ABCC2: variants seen among roughly 807,000 people sequenced by gnomAD.
ABCC2 encodes the protein ATP binding cassette subfamily C member 2.
A neutral mutation model predicts 173.4 loss-of-function variants in ABCC2; 157 were observed. The observed-to-expected ratio is 0.91, with a 90% confidence interval of 0.80 to 1.03. ABCC2 has a LOEUF of 1.03. Among genes scored for constraint, ABCC2 ranks in the 50% least tolerant of loss-of-function variants. The probability of loss-of-function intolerance (pLI) is 0.00; values close to 1 mark genes in which losing one functional copy is unlikely to be tolerated. For missense variants in ABCC2, 1,822 were observed against 1,852.3 expected (o/e 0.98, Z 0.30); for synonymous variants, 657 against 693.5 (o/e 0.95, Z 0.83).
At chr10:99,835,693 C>A (rs1024280208) in intron 24 of ABCC2, among the ~76,000 whole-genome samples, 1 of 152,182 alleles carries the variant, frequency 6.6e-6, no homozygotes, top group Non-Finnish European at 1.5e-5. Context: ...CCACTTTACA[C>A]ACCCCACGGG....
chr10:99,814,152 T>G (rs1329279335), intron 16 of ABCC2, among the ~76,000 whole-genome samples: 1 of 48,670 alleles, frequency 2.1e-5, no homozygotes, highest in African/African-American at 8.7e-5. Context: ...CACACATGTA[T>G]GTATACACAC....
chr10:99,817,233 C>T, intron 16 of ABCC2, 75 bp from the exon 17 acceptor site: 7 of 1,440,480 alleles, frequency 4.9e-6, no homozygotes, highest in Non-Finnish European at 5.8e-6. Flanking sequence ...TTCTTCCCCT[C>T]TCCAGCCACC....
chr10:99,842,526 T>TA (rs1237181112), intron 26 of ABCC2, among the ~76,000 whole-genome samples: 1 of 152,148 alleles, frequency 6.6e-6, no homozygotes, highest in African/African-American at 2.4e-5. Context: ...TAGAGTCTGA[T>TA]AAAACTATAG....
chr10:99,813,017 G>A lies in ABCC2; in HGVS notation c.1968-1G>A, dbSNP rs756707816. ...CCTTCAAAGACATTCCTGTCTTTCAGTGTGAACCTGGACATTATGGCAGGC... is the reference window on the plus strand; with the variant it reads ...CCTTCAAAGACATTCCTGTCTTTCAATGTGAACCTGGACATTATGGCAGGC... On this transcript the variant is annotated splice_acceptor_variant, in intron 15 of 31. Transcript: ENST00000647814. LOFTEE classifies it high-confidence loss of function. 3 of 1,613,686 alleles carry A rather than the reference G, an allele frequency of 1.9e-6. No individual in the cohort carries two copies. Among genetic ancestry groups the A allele is most frequent in the Non-Finnish European group, 1.7e-6 (2 of 1,179,808 alleles).
At chr10:99,809,373 A>T (rs912173484) in intron 13 of ABCC2, among the ~76,000 whole-genome samples, 3 of 152,168 alleles carry the variant, frequency 2.0e-5, no homozygotes, top group Non-Finnish European at 4.4e-5. Flanking sequence ...AAAACGAATC[A>T]AAACAAAAGG....
intron 6 of ABCC2, among the ~76,000 whole-genome samples, chr10:99,795,452 A>G (rs888062916): frequency 9.2e-5 from 14 of 152,076 alleles, no homozygotes; most frequent in Non-Finnish European, 1.3e-4. Context: ...TAATCCCAGC[A>G]CTTTGGGAGG....
chr10:99,811,723 T>A, intron 15 of ABCC2, 121 bp downstream of exon 15: 1 of 1,154,986 alleles, frequency 8.7e-7, no homozygotes, highest in Non-Finnish European at 1.3e-6. Context: ...TTCGGTTAGA[T>A]ACTAGTGCAG....
chr10:99,805,775 C>A (rs1212426556), intron 11 of ABCC2, among the ~76,000 whole-genome samples: 1 of 152,116 alleles, frequency 6.6e-6, no homozygotes, highest in Non-Finnish European at 1.5e-5. Context: ...ATCTATAAAC[C>A]CACACCCCTC....
At chr10:99,834,660 AT>A (rs2038790781) in intron 24 of ABCC2, 125 bp downstream of exon 24, 5 of 1,207,490 alleles carry the variant, frequency 4.1e-6, no homozygotes, top group East Asian at 2.3e-5. Context: ...CAGCTTTGCC[AT>A]TTAGTCATAT....
chr10:99,814,757 A>C (rs2038367520), intron 16 of ABCC2, among the ~76,000 whole-genome samples: 1 of 132,084 alleles, frequency 7.6e-6, no homozygotes, highest in African/African-American at 3.3e-5. Context: ...ATGTATATAC[A>C]CACACATATA....
intron 5 of ABCC2, 35 bp downstream of exon 5, chr10:99,794,034 T>C: frequency 6.5e-7 from 1 of 1,527,658 alleles, no homozygotes; most frequent in Non-Finnish European, 9.1e-7. Context: ...CATATATTAC[T>C]TAATTGGATG....
chr10:99,810,837 C>A (rs1020521944), intron 14 of ABCC2, among the ~76,000 whole-genome samples: 1 of 152,058 alleles, frequency 6.6e-6, no homozygotes, highest in Non-Finnish European at 1.5e-5. Flanking sequence ...CAAGCCTGAC[C>A]AACATGGAGA....
At chr10:99,803,914 A>G (rs1194696009) in intron 9 of ABCC2, 105 bp from the exon 10 acceptor site, 31 of 1,465,066 alleles carry the variant, frequency 2.1e-5, no homozygotes, top group East Asian at 4.5e-5. Flanking sequence ...CTGTGTCCAT[A>G]TGGAGCACAT....
chr10:99,834,407 C>T lies in ABCC2; in HGVS notation c.3286C>T (p.Pro1096Ser). ...GDISTVDDTL[P>S]QSLRSWITCF... ...TATTTCCACAGTGGATGACACCCTG[C>T]CTCAGTCCTTGCGCAGCTGGATTAC... The change falls in exon 24 of 32, where the codon CCT becomes TCT. Residue 1096 changes from proline (P) to serine (S), a missense_variant. Pro to Ser is a moderately conservative substitution (Grantham distance 74, BLOSUM62 -1). Transcript: ENST00000647814. The T allele has an allele frequency of 1.9e-6, 3 of 1,614,148 alleles. No individual in the cohort carries two copies. The highest frequency in any genetic ancestry group is 1.7e-6 in the Non-Finnish European group (2 of 1,180,006).
chr10:99,811,109 T>C lies in ABCC2; in HGVS notation c.1901-427T>C, dbSNP rs563020359. Among the ~76,000 whole-genome samples, 15 of 151,994 alleles carry C rather than the reference T, an allele frequency of 9.9e-5. No homozygotes were observed. In the East Asian group the frequency reaches 2.7e-3, roughly 27 times the overall value. On this transcript the variant is annotated intron_variant, in intron 14 of 31. Coordinates refer to ENST00000647814, the MANE Select transcript of ABCC2 (RefSeq NM_000392.5). ...CCTTTGGGAGGCTGAGATGGGCAGA[T>C]TGCTTGAGTCCAAGAGTTCGAGACT...
intron 16 of ABCC2, among the ~76,000 whole-genome samples, chr10:99,815,051 G>T (rs1388291618): frequency 2.0e-5 from 3 of 151,540 alleles, no homozygotes; most frequent in Non-Finnish European, 4.4e-5. Context: ...ATGTGCCATG[G>T]TGGTTTGCTG....
intron 30 of ABCC2, among the ~76,000 whole-genome samples, chr10:99,847,788 A>G (rs372155024): frequency 6.8e-4 from 102 of 150,888 alleles, no homozygotes; most frequent in African/African-American, 2.0e-3. Flanking sequence ...GTGTGGTGGC[A>G]GGCGCCTGTA....
chr10:99,837,298 G>C lies in ABCC2; in HGVS notation c.3614+1008G>C, dbSNP rs1286646082. 2.6e-5 allele frequency among the ~76,000 whole-genome samples: 3 copies of C among 114,434 alleles called. No homozygotes were observed. The Admixed American group carries it at 2.7e-4, about 10-fold the overall frequency. The allele number at this position is 114,434 out of a possible 152,430, so 75.1% of individuals were successfully genotyped here. A position where few individuals can be genotyped will look rare whatever the true frequency, so the allele number is the denominator to read the frequency against. On this transcript the variant is annotated intron_variant, in intron 25 of 31. Coordinates refer to ENST00000647814, the MANE Select transcript of ABCC2 (RefSeq NM_000392.5). ...TTACAGGCATGCACCACCACGCCCAGCTAATTTTTTTTATTTTTAGTAGAG... is the reference window on the plus strand; with the variant it reads ...TTACAGGCATGCACCACCACGCCCACCTAATTTTTTTTATTTTTAGTAGAG...
At chr10:99,821,891 A>T (rs1232579716) in intron 19 of ABCC2, among the ~76,000 whole-genome samples, 1 of 151,942 alleles carries the variant, frequency 6.6e-6, no homozygotes, top group African/African-American at 2.4e-5. Flanking sequence ...ACACCTGCAG[A>T]CATGTGATAA....
Sources: gnomAD v4.1 joint callset for allele counts (sites outside exome capture counted in the v4.1 genomes callset) on GRCh38, gnomAD v4.1.1 for gene constraint, MANE v1.5 for transcripts, NCBI Gene and HGNC (gene_info 2026-07-23, HGNC 2026-07-21) for gene names.